PPARGC1A: variants seen among roughly 807,000 people sequenced by gnomAD.
PPARGC1A encodes the protein peroxisome proliferator-activated receptor gamma coactivator 1-alpha.
In PPARGC1A, 25 loss-of-function variants were observed where a neutral mutation model predicts 88.7. That is an observed-to-expected ratio of 0.28 (90% confidence interval 0.21 to 0.39). PPARGC1A has a LOEUF of 0.39. Among genes scored for constraint, PPARGC1A ranks in the 10% least tolerant of loss-of-function variants. PPARGC1A has a pLI of 1.00. For missense variants in PPARGC1A, 880 were observed against 968.7 expected, an observed-to-expected ratio of 0.91 and a Z score of 1.22; for synonymous variants, 363 against 355.6, an observed-to-expected ratio of 1.02 and a Z score of -0.24.
chr4:24,426,914 A>G, the PPARGC1A span, among the ~76,000 whole-genome samples: 1 of 152,216 alleles, frequency 6.6e-6, no homozygotes, highest in Non-Finnish European at 1.5e-5. Flanking sequence ...TTTTTACAAC[A>G]GAGACTCGGG....
upstream of PPARGC1A, among the ~76,000 whole-genome samples, chr4:23,902,760 A>T (rs1640190934): frequency 6.6e-6 from 1 of 151,496 alleles, no homozygotes; most frequent in South Asian, 2.1e-4. Flanking sequence ...TAATTACAAA[A>T]TGCACCCGCC....
intron 2 of PPARGC1A, among the ~76,000 whole-genome samples, chr4:23,872,562 G>A (rs538991454): frequency 6.6e-6 from 1 of 152,268 alleles, no homozygotes; most frequent in South Asian, 2.1e-4. Context: ...AGTAGGAGAA[G>A]GGCAGAATTT....
At chr4:24,082,990 A>G in the PPARGC1A span, among the ~76,000 whole-genome samples, 5 of 152,330 alleles carry the variant, frequency 3.3e-5, no homozygotes, top group African/African-American at 1.2e-4. Context: ...GAAAACCGTA[A>G]AACACTGGAT....
the PPARGC1A span, among the ~76,000 whole-genome samples, chr4:24,307,505 T>A: frequency 1.3e-5 from 2 of 152,168 alleles, no homozygotes; most frequent in Non-Finnish European, 2.9e-5. Flanking sequence ...TCTTGGGAAT[T>A]TGAGGCAACT....
At chr4:24,087,942 C>A in the PPARGC1A span, among the ~76,000 whole-genome samples, 1 of 152,136 alleles carries the variant, frequency 6.6e-6, no homozygotes, top group Non-Finnish European at 1.5e-5. Context: ...TTTTGCCCAA[C>A]TCTTGACTTA....
At chr4:24,024,261 C>T in the PPARGC1A span, among the ~76,000 whole-genome samples, 12 of 152,318 alleles carry the variant, frequency 7.9e-5, no homozygotes, top group African/African-American at 2.6e-4. Context: ...ACGTAATCCT[C>T]CCCATGAGCA....
At chr4:24,046,808 C>T in the PPARGC1A span, among the ~76,000 whole-genome samples, 1 of 152,134 alleles carries the variant, frequency 6.6e-6, no homozygotes, top group East Asian at 1.9e-4. Flanking sequence ...AAAAATCTCT[C>T]ATGCTGCCTC....
chr4:23,959,103 T>C, the PPARGC1A span, among the ~76,000 whole-genome samples: 2 of 151,960 alleles, frequency 1.3e-5, no homozygotes, highest in Non-Finnish European at 2.9e-5. Context: ...AAACAGGTTC[T>C]CTCAATAGGA....
At chr4:24,320,668 A>AAC in the PPARGC1A span, among the ~76,000 whole-genome samples, 10 of 152,158 alleles carry the variant, frequency 6.6e-5, no homozygotes, top group Non-Finnish European at 1.3e-4. Flanking sequence ...GAAGCCAGTA[A>AAC]ACAGGTGTCT....
At chr4:24,359,319 T>A in the PPARGC1A span, among the ~76,000 whole-genome samples, 1 of 152,162 alleles carries the variant, frequency 6.6e-6, no homozygotes, top group African/African-American at 2.4e-5. Context: ...ACATACACAC[T>A]TCTCTAGAGA....
At chr4:24,192,843 T>G in the PPARGC1A span, among the ~76,000 whole-genome samples, 1 of 152,242 alleles carries the variant, frequency 6.6e-6, no homozygotes, top group Non-Finnish European at 1.5e-5. Flanking sequence ...TGCAAAAATA[T>G]TAAAATCTTA....
At chr4:24,288,796 C>G in the PPARGC1A span, among the ~76,000 whole-genome samples, 1 of 152,192 alleles carries the variant, frequency 6.6e-6, no homozygotes, top group Non-Finnish European at 1.5e-5. Flanking sequence ...AACAACACAA[C>G]CAAGTGAATA....
intron 12 of PPARGC1A, among the ~76,000 whole-genome samples, chr4:23,798,696 T>C (rs1718087280): frequency 6.6e-6 from 1 of 152,198 alleles, no homozygotes; most frequent in Non-Finnish European, 1.5e-5. Context: ...CCTACTTTAA[T>C]TTCTCTTGGT....
chr4:24,377,607 T>C, the PPARGC1A span, among the ~76,000 whole-genome samples: 41 of 152,268 alleles, frequency 2.7e-4, no homozygotes, highest in African/African-American at 9.1e-4. Context: ...TCGTGGGCAT[T>C]TGGAGTCCGT....
chr4:23,928,794 A>C, the PPARGC1A span, among the ~76,000 whole-genome samples: 15 of 151,178 alleles, frequency 9.9e-5, no homozygotes, highest in East Asian at 3.9e-4. Context: ...AAAAAAAAAA[A>C]CCCAAGATCA....
the PPARGC1A span, among the ~76,000 whole-genome samples, chr4:24,250,359 A>G: frequency 2.0e-5 from 3 of 152,336 alleles, no homozygotes; most frequent in Admixed American, 2.0e-4. Context: ...CTGCAAATTT[A>G]AAAGCCTAAG....
chr4:24,021,812 T>G, the PPARGC1A span, among the ~76,000 whole-genome samples: 2 of 152,198 alleles, frequency 1.3e-5, no homozygotes, highest in African/African-American at 4.8e-5. Context: ...ATGTGTTCAA[T>G]GTCACTAGCA....
the PPARGC1A span, among the ~76,000 whole-genome samples, chr4:23,934,811 C>T: frequency 0.058 from 8,790 of 152,190 alleles, 313 homozygotes; most frequent in East Asian, 0.15. Flanking sequence ...CCCAAGACCC[C>T]GGATCCAGGA....
the PPARGC1A span, among the ~76,000 whole-genome samples, chr4:24,189,341 G>T: frequency 6.6e-6 from 1 of 151,780 alleles, no homozygotes; most frequent in South Asian, 2.1e-4. Context: ...ATTGAGGGAG[G>T]GAGACTTGAT....
Sources: allele counts gnomAD v4.1 joint callset (sites outside exome capture counted in the v4.1 genomes callset), GRCh38; gene constraint gnomAD v4.1.1; transcripts MANE v1.5; gene names NCBI Gene and HGNC (gene_info 2026-07-23, HGNC 2026-07-21).